The following PREP variants were observed in gnomAD, a reference collection of about 807,000 sequenced individuals.
The protein encoded by PREP is dJ355L5.1 (prolyl endopeptidase).
In PREP, 29 loss-of-function variants were observed where a neutral mutation model predicts 87.6. That is an observed-to-expected ratio of 0.33 (90% confidence interval 0.25 to 0.45). The LOEUF is 0.45. Among genes scored for constraint, PREP ranks in the 20% least tolerant of loss-of-function variants. The pLI, the probability that PREP is intolerant of heterozygous loss-of-function variation, is 1.00. For synonymous variants in PREP, 337 were observed against 328.6 expected (o/e 1.03, Z -0.28); for missense variants, 695 against 886.5 (o/e 0.78, Z 2.74).
chr6:105,313,938 A>G (rs1245506884), intron 10 of PREP, among the ~76,000 whole-genome samples: 2 of 152,228 alleles, frequency 1.3e-5, no homozygotes, highest in Non-Finnish European at 2.9e-5. Context: ...GACCAACACT[A>G]AGACTTAAAT....
At chr6:105,385,667 T>A (rs1017621584) in intron 2 of PREP, among the ~76,000 whole-genome samples, 2 of 152,238 alleles carry the variant, frequency 1.3e-5, no homozygotes, top group East Asian at 3.8e-4. Context: ...CCATATTATT[T>A]AAATGGCTCA....
chr6:105,296,481 T>C (rs572825793), intron 10 of PREP, among the ~76,000 whole-genome samples: 8 of 152,222 alleles, frequency 5.3e-5, no homozygotes, highest in Non-Finnish European at 8.8e-5. Context: ...GCTTCCTCTC[T>C]TATAAAACAT....
At chr6:105,383,864 G>A (rs1219901351) in intron 2 of PREP, among the ~76,000 whole-genome samples, 1 of 152,082 alleles carries the variant, frequency 6.6e-6, no homozygotes, top group Non-Finnish European at 1.5e-5. Flanking sequence ...CAAAAACCTG[G>A]TGAAGAGGTG....
chr6:105,374,632 T>TTATA (rs61452752), intron 4 of PREP, among the ~76,000 whole-genome samples: 1 of 91,834 alleles, frequency 1.1e-5, no homozygotes. Flanking sequence ...TTTGAATTGT[T>TTATA]TATATATATA....
chr6:105,289,005 G>T, intron 10 of PREP, 111 bp from the exon 11 acceptor site: 1 of 1,086,636 alleles, frequency 9.2e-7, no homozygotes, highest in Non-Finnish European at 1.3e-6. Context: ...GTAGCACAGT[G>T]AAAACCTAGT....
chr6:105,293,278 G>C (rs2114619554), intron 10 of PREP, among the ~76,000 whole-genome samples: 1 of 152,248 alleles, frequency 6.6e-6, no homozygotes, highest in East Asian at 1.9e-4. Flanking sequence ...AGCCACTGGA[G>C]GGTTGTTAAT....
chr6:105,320,768 C>T (rs919299868), intron 10 of PREP, among the ~76,000 whole-genome samples: 1 of 152,028 alleles, frequency 6.6e-6, no homozygotes, highest in Non-Finnish European at 1.5e-5. Context: ...CAAGTGGAAT[C>T]AAAAGTAACA....
intron 10 of PREP, among the ~76,000 whole-genome samples, chr6:105,309,186 AT>A (rs1477459873): frequency 2.0e-5 from 3 of 152,054 alleles, no homozygotes; most frequent in Admixed American, 6.5e-5. Context: ...TGGCAGCCAA[AT>A]GTGATCACGA....
chr6:105,375,163 G>C (rs1358209426), intron 4 of PREP, among the ~76,000 whole-genome samples: 1 of 152,052 alleles, frequency 6.6e-6, no homozygotes, highest in Non-Finnish European at 1.5e-5. Context: ...AGAGGGAGGG[G>C]AAGGTGGACC....
At chr6:105,401,322 A>G (rs1176967542) in intron 1 of PREP, among the ~76,000 whole-genome samples, 2 of 152,212 alleles carry the variant, frequency 1.3e-5, no homozygotes, top group Non-Finnish European at 2.9e-5. Context: ...GATCCTCAAG[A>G]ACCAGAACCA....
intron 2 of PREP, among the ~76,000 whole-genome samples, chr6:105,379,511 C>T (rs922627818): frequency 6.6e-6 from 1 of 152,202 alleles, no homozygotes. Flanking sequence ...ATGCCTACTT[C>T]ACAGATATGG....
Position 105,278,072 on chromosome 6 carries a change from TG to T in PREP, c.*71del. On this transcript the variant is annotated 3_prime_UTR_variant, in exon 15 of 15. Transcript: ENST00000652536. This position sits in a 1 kb window ranked among gnomAD's most constrained non-coding sequence, Gnocchi z 4.2. ...TCCCGTGGGGAAGCATTATGCCCAG[TG>T]GTTTCTTGGTGTCAACGTGGGAAAG... The T allele has an allele frequency of 6.6e-7, 1 of 1,525,318 alleles. No homozygotes were observed. 94.5% of individuals were successfully genotyped at this position (1,525,318 alleles called of 1,614,324 possible). A position where few individuals can be genotyped will look rare whatever the true frequency, so the allele number is the denominator to read the frequency against.
intron 14 of PREP, among the ~76,000 whole-genome samples, chr6:105,280,166 C>T (rs751302480): frequency 1.3e-5 from 2 of 152,058 alleles, no homozygotes; most frequent in Non-Finnish European, 2.9e-5. Flanking sequence ...TGCGGTGGTG[C>T]GCACCTGTCG....
At position 105,357,174 on chromosome 6, in the gene PREP, A is replaced by G. The variant is rs144831577; in HGVS notation, c.718-4097T>C. Among the ~76,000 whole-genome samples the G allele has an allele frequency of 1.1e-4, 17 of 152,354 alleles. No individual in the cohort carries two copies. The East Asian group carries it at 3.1e-3, about 28-fold the overall frequency. On this transcript the variant is annotated intron_variant, in intron 6 of 14. Coordinates refer to ENST00000652536, the MANE Select transcript of PREP (RefSeq NM_002726.5). ...CAACTTCACAATTATAATCTTATTA[A>G]TATAATTGAAAGCAACATCATTAAT... is the stretch of plus-strand genomic sequence containing the variant.
intron 10 of PREP, among the ~76,000 whole-genome samples, chr6:105,314,052 C>T (rs1770811894): frequency 6.6e-6 from 1 of 152,174 alleles, no homozygotes; most frequent in African/African-American, 2.4e-5. Flanking sequence ...AAGTCACACC[C>T]ACTTCTGGTT....
Position 105,377,380 on chromosome 6 carries a change from T to G in PREP, c.254+6A>C, listed in dbSNP as rs1465551857. 1.2e-5 allele frequency: 19 copies of G among 1,595,152 alleles called. No homozygotes were observed. The highest frequency in any genetic ancestry group is 1.5e-5 in the Non-Finnish European group (18 of 1,174,156). Reference sequence around the variant, plus strand: ...TAAAAAGGAAATTCAGTAAAAGCAGTCTCACCGTTTTCCTTTCTTGAAGTG... The same window carrying G: ...TAAAAAGGAAATTCAGTAAAAGCAGGCTCACCGTTTTCCTTTCTTGAAGTG... On this transcript the variant is annotated splice_donor_region_variant and intron_variant, in intron 3 of 14. Transcript: ENST00000652536.
chr6:105,376,773 G>A (rs1355124337), intron 3 of PREP, among the ~76,000 whole-genome samples: 8 of 152,156 alleles, frequency 5.3e-5, no homozygotes, highest in East Asian at 1.9e-4. Context: ...TACGTAAACC[G>A]ATAAGCATGG....
intron 10 of PREP, among the ~76,000 whole-genome samples, chr6:105,297,433 G>A (rs1205097093): frequency 6.6e-6 from 1 of 152,188 alleles, no homozygotes; most frequent in Non-Finnish European, 1.5e-5. Context: ...AGTTGCCAAA[G>A]CTTAAATGCA....
intron 2 of PREP, among the ~76,000 whole-genome samples, chr6:105,377,898 A>AT (rs749033629): frequency 3.3e-5 from 5 of 152,190 alleles, no homozygotes; most frequent in Non-Finnish European, 5.9e-5. Context: ...GAAGTGGCAG[A>AT]TGGCAGAGTT....
Sources: gnomAD v4.1 joint callset for allele counts (sites outside exome capture counted in the v4.1 genomes callset) on GRCh38, gnomAD v4.1.1 for gene constraint, Gnocchi (gnomAD v3.1) non-coding constraint, MANE v1.5 for transcripts, NCBI Gene and HGNC (gene_info 2026-07-23, HGNC 2026-07-21) for gene names.